The following CNTNAP2 variants were observed in gnomAD, a reference collection of about 807,000 sequenced individuals.
CNTNAP2 encodes contactin associated protein 2.
A neutral mutation model predicts 155.2 loss-of-function variants in CNTNAP2; 98 were observed. That is an observed-to-expected ratio of 0.63 (90% CI 0.54 to 0.75). CNTNAP2 has a LOEUF of 0.75. CNTNAP2 is among the 30% of genes least tolerant of loss of function. The pLI is 0.00. For synonymous variants in CNTNAP2, 651 were observed against 631.2 expected (o/e 1.03, Z -0.47); for missense variants, 1,727 against 1,688.1 (o/e 1.02, Z -0.40).
At chr7:146,923,569 G>C (rs1479615291) in intron 3 of CNTNAP2, among the ~76,000 whole-genome samples, 1 of 152,126 alleles carries the variant, frequency 6.6e-6, no homozygotes, top group Non-Finnish European at 1.5e-5. Context: ...TTTGAGGAAA[G>C]AAAAATTGAA....
At chr7:148,287,499 C>T (rs1797103913) in intron 21 of CNTNAP2, among the ~76,000 whole-genome samples, 1 of 152,140 alleles carries the variant, frequency 6.6e-6, no homozygotes, top group South Asian at 2.1e-4. Context: ...ACCCATTGGC[C>T]CTCCTTTTCC....
intron 13 of CNTNAP2, among the ~76,000 whole-genome samples, chr7:147,711,786 G>C (rs182248922): frequency 6.6e-6 from 1 of 152,172 alleles, no homozygotes; most frequent in Admixed American, 6.5e-5. Context: ...AAGCCACAAA[G>C]TTCTGCAACA....
At chr7:146,273,284 T>C (rs1800113174) in intron 1 of CNTNAP2, among the ~76,000 whole-genome samples, 1 of 151,740 alleles carries the variant, frequency 6.6e-6, no homozygotes, top group Non-Finnish European at 1.5e-5. Flanking sequence ...TTCCTAAGAC[T>C]GCCTAATAAT....
intron 11 of CNTNAP2, among the ~76,000 whole-genome samples, chr7:147,530,261 C>T (rs1398724092): frequency 6.6e-6 from 1 of 150,686 alleles, no homozygotes. Flanking sequence ...TCTCAGCTCA[C>T]CACAACCTCC....
At chr7:147,575,017 A>G (rs1336768566) in intron 12 of CNTNAP2, among the ~76,000 whole-genome samples, 2 of 152,014 alleles carry the variant, frequency 1.3e-5, no homozygotes, top group Non-Finnish European at 2.9e-5. Context: ...TCAGCATTCT[A>G]CTAAGTCAGT....
intron 3 of CNTNAP2, among the ~76,000 whole-genome samples, chr7:146,979,150 CCTT>C (rs1432972143): frequency 2.6e-5 from 4 of 152,128 alleles, no homozygotes; most frequent in Non-Finnish European, 5.9e-5. Flanking sequence ...TTGAAGATCT[CCTT>C]AACTCTTCTG....
chr7:147,347,214 T>C (rs1005777488), intron 9 of CNTNAP2, among the ~76,000 whole-genome samples: 4 of 151,958 alleles, frequency 2.6e-5, no homozygotes, highest in African/African-American at 4.8e-5. Flanking sequence ...GTGGAAGTCA[T>C]CTTCCCTTGA....
At chr7:147,503,761 T>C (rs1006266786) in intron 11 of CNTNAP2, among the ~76,000 whole-genome samples, 9 of 152,236 alleles carry the variant, frequency 5.9e-5, no homozygotes, top group Non-Finnish European at 8.8e-5. Context: ...TTAATTTTTT[T>C]TCCAAGTGTT....
intron 1 of CNTNAP2, among the ~76,000 whole-genome samples, chr7:146,718,717 G>A (rs930902247): frequency 2.0e-5 from 3 of 151,942 alleles, no homozygotes; most frequent in Non-Finnish European, 4.4e-5. Context: ...TCTGTTGCTT[G>A]GCAGTTAATT....
chr7:148,035,707 C>T (rs969584728), intron 15 of CNTNAP2, among the ~76,000 whole-genome samples: 1 of 152,152 alleles, frequency 6.6e-6, no homozygotes, highest in Non-Finnish European at 1.5e-5. Flanking sequence ...CCTGGTGGAG[C>T]CGTGGGGGTA....
At chr7:146,367,937 T>G (rs1795178604) in intron 1 of CNTNAP2, among the ~76,000 whole-genome samples, 1 of 152,110 alleles carries the variant, frequency 6.6e-6, no homozygotes, top group South Asian at 2.1e-4. Flanking sequence ...CTGGCCAGTG[T>G]TCTCTACCAT....
At chr7:147,852,292 C>G (rs908802339) in intron 13 of CNTNAP2, among the ~76,000 whole-genome samples, 3 of 152,188 alleles carry the variant, frequency 2.0e-5, no homozygotes, top group East Asian at 3.8e-4. Context: ...TCCATCCACT[C>G]TTCCTATTTT....
intron 21 of CNTNAP2, among the ~76,000 whole-genome samples, chr7:148,283,254 A>AAAGAAAAG (rs1563024550): frequency 6.2e-5 from 4 of 64,058 alleles, no homozygotes; most frequent in South Asian, 8.5e-4. Context: ...AAAAAAAAAA[A>AAAGAAAAG]AAAAGAAAGA....
chr7:146,670,148 C>T (rs1445623066), intron 1 of CNTNAP2, among the ~76,000 whole-genome samples: 4 of 152,144 alleles, frequency 2.6e-5, no homozygotes, highest in Non-Finnish European at 5.9e-5. Context: ...GAACCAGATA[C>T]TACTAGGCCA....
chr7:146,636,075 T>C (rs929389629), intron 1 of CNTNAP2, among the ~76,000 whole-genome samples: 1 of 151,904 alleles, frequency 6.6e-6, no homozygotes, highest in Non-Finnish European at 1.5e-5. Flanking sequence ...TTTCCTGTTA[T>C]TAAAATGTGG....
At chr7:146,160,643 C>CTTAA (rs998078931) in intron 1 of CNTNAP2, among the ~76,000 whole-genome samples, 1 of 152,144 alleles carries the variant, frequency 6.6e-6, no homozygotes, top group Admixed American at 6.5e-5. Flanking sequence ...CCTCCCAAGA[C>CTTAA]TTAACCAAGA....
chr7:148,080,422 G>A (rs1030484360), intron 15 of CNTNAP2, among the ~76,000 whole-genome samples: 7 of 151,834 alleles, frequency 4.6e-5, no homozygotes, highest in South Asian at 4.2e-4. Context: ...TGGCTAACAC[G>A]GTGAAGCCCC....
At chr7:146,219,024 G>C (rs1243422106) in intron 1 of CNTNAP2, among the ~76,000 whole-genome samples, 1 of 152,178 alleles carries the variant, frequency 6.6e-6, no homozygotes, top group Non-Finnish European at 1.5e-5. Flanking sequence ...CATGGTTGGG[G>C]AGGCCTCAGG....
chr7:147,781,117 C>CA (rs1430014750), intron 13 of CNTNAP2, among the ~76,000 whole-genome samples: 1 of 151,932 alleles, frequency 6.6e-6, no homozygotes, highest in African/African-American at 2.4e-5. Context: ...AAGATAATGG[C>CA]AAAAAGGAAA....
Sources: gnomAD v4.1 joint callset for allele counts (sites outside exome capture counted in the v4.1 genomes callset) on GRCh38, gnomAD v4.1.1 for gene constraint, MANE v1.5 for transcripts, NCBI Gene and HGNC (gene_info 2026-07-23, HGNC 2026-07-21) for gene names.